The following MTUS1 variants were observed in gnomAD, a reference collection of about 807,000 sequenced individuals.
MTUS1 encodes the protein microtubule associated scaffold protein 1, also known as microtubule-associated tumor suppressor 1.
MTUS1 carries 109 observed loss-of-function variants against 120.8 expected under a neutral mutation model. The ratio of observed to expected loss-of-function variants is 0.90; its 90% CI spans 0.77 to 1.06. The LOEUF (loss-of-function observed/expected upper bound fraction) is 1.06, where lower values mean the gene tolerates loss of function less well. MTUS1 is among the 50% of genes least tolerant of loss of function. The pLI, the probability that MTUS1 is intolerant of heterozygous loss-of-function variation, is 0.00. For synonymous variants in MTUS1, 737 were observed against 550.5 expected (o/e 1.34, Z -4.74); for missense variants, 2,210 against 1,486.3 (o/e 1.49, Z -8.01).
At position 17,645,812 on chromosome 8, in the gene MTUS1, T is replaced by G. The variant is rs1805655354; in HGVS notation, c.*114A>C. 7.1e-7 allele frequency: 1 copy of G among 1,399,612 alleles called. No homozygotes were observed. Among genetic ancestry groups the G allele is most frequent in the Non-Finnish European group, 9.5e-7 (1 of 1,053,848 alleles). 86.7% of individuals were successfully genotyped at this position (1,399,612 alleles called of 1,614,324 possible). ...GCCGGTGGTGACGCTCCAGTTACCCTACGGTGATCACACGTGTGCTGATAT... is the reference window on the plus strand; with the variant it reads ...GCCGGTGGTGACGCTCCAGTTACCCGACGGTGATCACACGTGTGCTGATAT... On this transcript the variant is annotated 3_prime_UTR_variant, in exon 15 of 15. Coordinates refer to ENST00000693296, the MANE Select transcript of MTUS1 (RefSeq NM_001363059.2).
intron 1 of MTUS1, among the ~76,000 whole-genome samples, chr8:17,777,545 C>A (rs1011540333): frequency 6.6e-6 from 1 of 151,998 alleles, no homozygotes; most frequent in Non-Finnish European, 1.5e-5. Context: ...CTCCACACAC[C>A]CAAAAGCAGA....
rs771257716 is a variant in MTUS1 at position 17,684,316 on chromosome 8, G to A, written c.2838+12C>T. 3.7e-6 allele frequency: 6 copies of A among 1,608,276 alleles called. No individual in the cohort carries two copies. Among genetic ancestry groups the A allele is most frequent in the South Asian group, 1.1e-5 (1 of 90,966 alleles). On this transcript the variant is annotated intron_variant, in intron 7 of 14. Coordinates refer to ENST00000693296, the MANE Select transcript of MTUS1 (RefSeq NM_001363059.2). ...CAAGTAGAAAGGCTCTTTCTAGGATGCACCTCCTTACCTCAGACAGCAGGT... is the reference window on the plus strand; with the variant it reads ...CAAGTAGAAAGGCTCTTTCTAGGATACACCTCCTTACCTCAGACAGCAGGT...
chr8:17,723,635 T>G (rs760893050), intron 4 of MTUS1, 37 bp downstream of exon 4: 6 of 1,591,358 alleles, frequency 3.8e-6, no homozygotes, highest in Non-Finnish European at 5.2e-6. Flanking sequence ...AATGACTGTT[T>G]CCACAACCCC....
chr8:17,651,882 T>C (rs1256150212), intron 12 of MTUS1: 9 of 152,074 alleles, frequency 5.9e-5, no homozygotes, highest in Non-Finnish European at 1.2e-4. Context: ...ATACCCTGCA[T>C]ATCCCTGCAT....
chr8:17,689,811 G>A (rs918363751), intron 6 of MTUS1, among the ~76,000 whole-genome samples: 25 of 151,752 alleles, frequency 1.6e-4, no homozygotes, highest in African/African-American at 6.1e-4. Flanking sequence ...TTCAATAAAT[G>A]GTGCTGGGAA....
At chr8:17,762,931 G>C (rs1439745290) in intron 1 of MTUS1, among the ~76,000 whole-genome samples, 1 of 151,636 alleles carries the variant, frequency 6.6e-6, no homozygotes, top group African/African-American at 2.4e-5. Context: ...AGAAACACCT[G>C]TCCAGTTGAC....
At chr8:17,731,770 G>C (rs1411133248) in intron 3 of MTUS1, among the ~76,000 whole-genome samples, 4 of 152,176 alleles carry the variant, frequency 2.6e-5, no homozygotes, top group African/African-American at 7.2e-5. Context: ...GAAAGCTCTT[G>C]ATGAAACAAT....
At chr8:17,699,329 T>C (rs1818571348) in intron 6 of MTUS1, among the ~76,000 whole-genome samples, 1 of 152,298 alleles carries the variant, frequency 6.6e-6, no homozygotes, top group African/African-American at 2.4e-5. Flanking sequence ...GTGATTCTCC[T>C]GCCTCAGCCT....
intron 12 of MTUS1, among the ~76,000 whole-genome samples, chr8:17,652,606 G>T (rs1054897103): frequency 3.9e-5 from 6 of 151,934 alleles, no homozygotes; most frequent in African/African-American, 1.5e-4. Context: ...TATACTAAAA[G>T]CCACTGAATT....
At chr8:17,663,404 T>C (rs1203322994) in intron 8 of MTUS1, among the ~76,000 whole-genome samples, 1 of 152,196 alleles carries the variant, frequency 6.6e-6, no homozygotes, top group Non-Finnish European at 1.5e-5. Context: ...ATACAGTGCT[T>C]TCCTAGTTTT....
At chr8:17,748,497 C>T (rs1274238421) in intron 2 of MTUS1, among the ~76,000 whole-genome samples, 1 of 152,200 alleles carries the variant, frequency 6.6e-6, no homozygotes, top group Non-Finnish European at 1.5e-5. Flanking sequence ...AGGGCAGCTG[C>T]CCCACACAGT....
Position 17,745,219 on chromosome 8 carries a change from G to A in MTUS1, c.2092-1420C>T, listed in dbSNP as rs540012522. On this transcript the variant is annotated intron_variant, in intron 2 of 14. Coordinates refer to ENST00000693296, the MANE Select transcript of MTUS1 (RefSeq NM_001363059.2). Reference sequence around the variant, plus strand: ...AAGTGAACGTGTACAGTTGTCCCTCGGTATCAAAAATGATTAGTTCCAGGA... The same window carrying A: ...AAGTGAACGTGTACAGTTGTCCCTCAGTATCAAAAATGATTAGTTCCAGGA... 7.2e-5 allele frequency among the ~76,000 whole-genome samples: 11 copies of A among 152,168 alleles called. 1 individual carries two copies. The highest frequency in any genetic ancestry group is 6.2e-4 in the South Asian group (3 of 4,822).
At chr8:17,684,924 AG>A (rs1815438648) in intron 6 of MTUS1, among the ~76,000 whole-genome samples, 1 of 152,190 alleles carries the variant, frequency 6.6e-6, no homozygotes, top group Non-Finnish European at 1.5e-5. Flanking sequence ...ATATGCTGAA[AG>A]GAACACACAA....
chr8:17,710,701 A>C (rs1821105929), intron 6 of MTUS1, among the ~76,000 whole-genome samples: 1 of 152,180 alleles, frequency 6.6e-6, no homozygotes, highest in South Asian at 2.1e-4. Context: ...CCCTTTTCAG[A>C]AGGTTTTCAA....
At chr8:17,671,865 C>G (rs942401696) in intron 8 of MTUS1, among the ~76,000 whole-genome samples, 1 of 152,128 alleles carries the variant, frequency 6.6e-6, no homozygotes, top group African/African-American at 2.4e-5. Flanking sequence ...AGTGGCAGCT[C>G]TCTTTTCTTG....
At chr8:17,694,282 G>A (rs1740108925) in intron 6 of MTUS1, among the ~76,000 whole-genome samples, 1 of 152,180 alleles carries the variant, frequency 6.6e-6, no homozygotes, top group Non-Finnish European at 1.5e-5. Context: ...GGTAATGGCA[G>A]GTGGTAAAAA....
At position 17,754,475 on chromosome 8, in the gene MTUS1, T is replaced by C. The variant is rs1307517186; in HGVS notation, c.1333A>G (p.Ile445Val). The C allele has an allele frequency of 1.2e-6, 2 of 1,614,086 alleles. No homozygotes were observed. Among genetic ancestry groups the C allele is most frequent in the Non-Finnish European group, 1.7e-6 (2 of 1,180,052 alleles). ...PTKVTFSVSP[I>V]EATEKCKKVE... ...TTCTTACATTTCTCCGTCGCTTCAA[T>C]CGGTGAAACAGAAAAGGTTACTTTT... Residue 445 changes from isoleucine (I) to valine (V), a missense_variant, in exon 2 of 15, where the codon ATT becomes GTT. Transcript: ENST00000693296.
At chr8:17,711,288 C>T (rs930226238) in intron 6 of MTUS1, among the ~76,000 whole-genome samples, 4 of 152,340 alleles carry the variant, frequency 2.6e-5, no homozygotes, top group East Asian at 3.9e-4. Flanking sequence ...TTCACCTACA[C>T]TGAATGTCTG....
chr8:17,778,979 G>C (rs75490806), intron 1 of MTUS1, among the ~76,000 whole-genome samples: 3,313 of 152,196 alleles, frequency 0.022, 115 homozygotes, highest in African/African-American at 0.077. Context: ...CTAGTACAGA[G>C]TGAACAAAAT....
Sources: gnomAD v4.1 joint callset for allele counts (sites outside exome capture counted in the v4.1 genomes callset) on GRCh38, gnomAD v4.1.1 for gene constraint, MANE v1.5 for transcripts, NCBI Gene and HGNC (gene_info 2026-07-23, HGNC 2026-07-21) for gene names.